The following MCPH1 variants were observed in gnomAD, a reference collection of about 807,000 sequenced individuals.
MCPH1 encodes the protein microcephalin 1.
In MCPH1, 104 loss-of-function variants were observed where a neutral mutation model predicts 84.5. The observed-to-expected ratio is 1.23, with a 90% confidence interval of 1.05 to 1.45. The LOEUF is 1.45. Among genes scored for constraint, MCPH1 ranks in the 40% most tolerant of loss-of-function variants. The pLI, the probability that MCPH1 is intolerant of heterozygous loss-of-function variation, is 0.00. For missense variants in MCPH1, 1,498 were observed against 1,005.7 expected (o/e 1.49, Z -6.62); for synonymous variants, 514 against 366.8 (o/e 1.40, Z -4.58).
chr8:6,410,986 A>T (rs1036750289), intron 2 of MCPH1, among the ~76,000 whole-genome samples: 2 of 152,144 alleles, frequency 1.3e-5, no homozygotes, highest in African/African-American at 4.8e-5. Flanking sequence ...GTGATTCGGG[A>T]GGCTGAGGCA....
At chr8:6,433,953 C>T (rs1156901455) in intron 4 of MCPH1, among the ~76,000 whole-genome samples, 3 of 152,050 alleles carry the variant, frequency 2.0e-5, no homozygotes, top group Admixed American at 1.3e-4. Flanking sequence ...AGAGCCATTG[C>T]GTTATCTGTT....
chr8:6,532,816 G>T (rs1031303), intron 12 of MCPH1, among the ~76,000 whole-genome samples: 106,431 of 152,028 alleles, frequency 0.7, 37,409 homozygotes, highest in Non-Finnish European at 0.72. Flanking sequence ...TGCTGGGTGC[G>T]GCCACTGTGG....
chr8:6,565,776 A>T (rs531425751), intron 12 of MCPH1, among the ~76,000 whole-genome samples: 1 of 152,298 alleles, frequency 6.6e-6, no homozygotes, highest in South Asian at 2.1e-4. Flanking sequence ...AACAAATTGG[A>T]TGTGGTAAGA....
At chr8:6,515,234 A>G (rs928264549) in intron 12 of MCPH1, among the ~76,000 whole-genome samples, 1 of 152,098 alleles carries the variant, frequency 6.6e-6, no homozygotes, top group African/African-American at 2.4e-5. Flanking sequence ...ACAGAGAGCT[A>G]TGTGAAGGGG....
rs1238971839 is a variant in MCPH1 at position 6,627,921 on chromosome 8, T to A, written c.2452+6230T>A. Among the ~76,000 whole-genome samples, 3 of 148,658 alleles carry A rather than the reference T, an allele frequency of 2.0e-5. No homozygotes were observed. The East Asian group carries it at 6.2e-4, about 31-fold the overall frequency. ...TATATATGTGTTTATATATATATAT[T>A]TATATAAACATTAGTGGGTTTTAAA... On this transcript the variant is annotated intron_variant, in intron 13 of 13. Transcript: ENST00000344683.
chr8:6,534,887 G>A (rs1417945786), intron 12 of MCPH1, among the ~76,000 whole-genome samples: 2 of 152,102 alleles, frequency 1.3e-5, no homozygotes, highest in South Asian at 2.1e-4. Flanking sequence ...ATAGCAGTTC[G>A]TAATTCTCCC....
intron 12 of MCPH1, among the ~76,000 whole-genome samples, chr8:6,514,338 C>T (rs935938394): frequency 2.0e-5 from 3 of 152,064 alleles, no homozygotes; most frequent in African/African-American, 7.2e-5. Flanking sequence ...TACAGGTGTG[C>T]ACCACCACAC....
At chr8:6,617,083 C>T (rs1370476380) in intron 12 of MCPH1, 2 of 151,994 alleles carry the variant, frequency 1.3e-5, no homozygotes, top group African/African-American at 4.8e-5. Flanking sequence ...GGAATGCTTC[C>T]TACCTTGTAG....
chr8:6,409,868 G>A (rs563380596), intron 2 of MCPH1, among the ~76,000 whole-genome samples: 57 of 152,230 alleles, frequency 3.7e-4, no homozygotes, highest in Admixed American at 3.3e-3. Flanking sequence ...ACAGAGGAGC[G>A]TTGTTCAGTA....
chr8:6,432,440 A>G (rs147648089), intron 4 of MCPH1, among the ~76,000 whole-genome samples: 2 of 152,234 alleles, frequency 1.3e-5, no homozygotes, highest in Non-Finnish European at 2.9e-5. Context: ...GCAGATACAG[A>G]GGGCAAACTG....
chr8:6,418,066 C>G (rs139912492), intron 3 of MCPH1, among the ~76,000 whole-genome samples: 4 of 152,156 alleles, frequency 2.6e-5, no homozygotes, highest in Admixed American at 2.6e-4. Flanking sequence ...ACATGTTGTT[C>G]AGGGGTCAGC....
chr8:6,436,472 T>C (rs937536742), intron 5 of MCPH1, among the ~76,000 whole-genome samples: 4 of 152,186 alleles, frequency 2.6e-5, no homozygotes, highest in African/African-American at 9.7e-5. Flanking sequence ...TAAATACCTA[T>C]TTATTTCTTC....
chr8:6,573,888 C>T (rs191864491), intron 12 of MCPH1, among the ~76,000 whole-genome samples: 1 of 152,204 alleles, frequency 6.6e-6, no homozygotes, highest in African/African-American at 2.4e-5. Flanking sequence ...CCAGAAAAAA[C>T]CACAATGAAT....
At chr8:6,532,591 A>T (rs1819732722) in intron 12 of MCPH1, 4 of 847,372 alleles carry the variant, frequency 4.7e-6, no homozygotes, top group Non-Finnish European at 5.0e-6. Context: ...AAAAAAAAAA[A>T]ATCTATCAAA....
chr8:6,625,628 C>T, intron 13 of MCPH1: 1 of 985,260 alleles, frequency 1.0e-6, no homozygotes, highest in Non-Finnish European at 1.2e-6. Flanking sequence ...GGTAGGGTCC[C>T]TGAGCGTCTT....
chr8:6,484,111 A>G (rs1030204421), intron 11 of MCPH1, among the ~76,000 whole-genome samples: 1 of 152,244 alleles, frequency 6.6e-6, no homozygotes, highest in Non-Finnish European at 1.5e-5. Flanking sequence ...TTACTCTGTG[A>G]AAGATATTAT....
chr8:6,593,020 C>T lies in MCPH1; in HGVS notation c.2215-28434C>T, dbSNP rs571769821. On this transcript the variant is annotated intron_variant, in intron 12 of 13. Coordinates refer to ENST00000344683, the MANE Select transcript of MCPH1 (RefSeq NM_024596.5). ...CCCAAATAAACACAGAGCTTTATTC[C>T]TGCCTCAGTCAAATTGCTGCTTCAA... is the stretch of plus-strand genomic sequence containing the variant. Among the ~76,000 whole-genome samples, 7 of 151,438 alleles carry T rather than the reference C, an allele frequency of 4.6e-5. No individual in the cohort carries two copies. In the South Asian group the frequency reaches 1.0e-3, roughly 23 times the overall value.
intron 3 of MCPH1, among the ~76,000 whole-genome samples, chr8:6,422,532 G>C (rs1259238763): frequency 6.6e-6 from 1 of 152,176 alleles, no homozygotes; most frequent in Admixed American, 6.5e-5. Flanking sequence ...TCTGCTGAGA[G>C]TTAGGGATTC....
Position 6,621,519 on chromosome 8 carries a change from A to G in MCPH1, c.2280A>G (p.Pro760=). The G allele has an allele frequency of 1.2e-6, 2 of 1,614,146 alleles. No homozygotes were observed. Among genetic ancestry groups the G allele is most frequent in the Non-Finnish European group, 1.7e-6 (2 of 1,180,016 alleles). ...PYRGTLFADQ[P]AMFVSPASSP... ...GCGGAACCCTCTTTGCCGACCAGCC[A>G]GCGATGTTTGTCTCGCCTGCCAGCA... The change falls in exon 13 of 14, where the codon CCA becomes CCG. Residue 760 remains proline, a synonymous_variant. Transcript: ENST00000344683.
Sources: allele counts gnomAD v4.1 joint callset (sites outside exome capture counted in the v4.1 genomes callset), GRCh38; gene constraint gnomAD v4.1.1; transcripts MANE v1.5; gene names NCBI Gene and HGNC (gene_info 2026-07-23, HGNC 2026-07-21).